Variants in SOX6 observed in about 807,000 individuals in gnomAD.
SOX6 encodes SRY-box transcription factor 6.
A neutral mutation model predicts 97.8 loss-of-function variants in SOX6; 11 were observed. The observed-to-expected ratio is 0.11, with a 90% CI of 0.07 to 0.19. The LOEUF (loss-of-function observed/expected upper bound fraction) is 0.19, where lower values mean the gene tolerates loss of function less well. SOX6 is among the 10% of genes least tolerant of loss of function. SOX6 has a pLI of 1.00. For missense variants in SOX6, 810 were observed against 1,039.5 expected, an observed-to-expected ratio of 0.78 and a Z score of 3.04; for synonymous variants, 360 against 371.4, an observed-to-expected ratio of 0.97 and a Z score of 0.35.
At chr11:16,639,260 T>A (rs985258397) in intron 3 of SOX6, among the ~76,000 whole-genome samples, 2 of 152,212 alleles carry the variant, frequency 1.3e-5, no homozygotes, top group Non-Finnish European at 2.9e-5. Flanking sequence ...CTCTGTTCTG[T>A]TCCATTGGTA....
At chr11:16,569,868 C>CAAAAAAAAAAAAAAAAAAACAAAAAA (rs34604334) in intron 4 of SOX6, among the ~76,000 whole-genome samples, 1 of 84,816 alleles carries the variant, frequency 1.2e-5, no homozygotes, top group Admixed American at 1.1e-4. Flanking sequence ...GACTCCGTCT[C>CAAAAAAAAAAAAAAAAAAACAAAAAA]AAAAAAAAAA....
At chr11:16,725,181 A>G (rs1191485197) in intron 2 of SOX6, among the ~76,000 whole-genome samples, 1 of 152,234 alleles carries the variant, frequency 6.6e-6, no homozygotes, top group African/African-American at 2.4e-5. Flanking sequence ...ATTCAGCCAT[A>G]AAAAGGAATG....
intron 6 of SOX6, among the ~76,000 whole-genome samples, chr11:16,146,008 G>C (rs898749651): frequency 6.6e-6 from 1 of 152,068 alleles, no homozygotes; most frequent in Non-Finnish European, 1.5e-5. Context: ...CTACTTTAAA[G>C]TTCATATGGA....
chr11:16,600,674 T>C (rs916274378), intron 4 of SOX6, among the ~76,000 whole-genome samples: 1 of 152,256 alleles, frequency 6.6e-6, no homozygotes, highest in African/African-American at 2.4e-5. Context: ...ATGCAAATTT[T>C]GAACTATTTC....
intron 7 of SOX6, chr11:16,110,430 T>C (rs1228883227): frequency 6.6e-6 from 1 of 151,360 alleles, no homozygotes; most frequent in Non-Finnish European, 1.5e-5. Context: ...TCTGAAAAAA[T>C]ATACTCCTGT....
At chr11:16,360,250 G>A (rs544083690), upstream of SOX6, among the ~76,000 whole-genome samples, 45 of 152,218 alleles carry the variant, frequency 3.0e-4, no homozygotes, top group African/African-American at 1.0e-3. Context: ...GTGATGCCTA[G>A]TCTGTTTGGA....
At chr11:16,428,661 C>A (rs1435884757) in intron 1 of SOX6, among the ~76,000 whole-genome samples, 1 of 152,134 alleles carries the variant, frequency 6.6e-6, no homozygotes, top group Non-Finnish European at 1.5e-5. Flanking sequence ...TTTCTGAGGG[C>A]TCTGCTCTGT....
At chr11:16,305,894 G>A (rs1247593765) in intron 3 of SOX6, among the ~76,000 whole-genome samples, 1 of 152,008 alleles carries the variant, frequency 6.6e-6, no homozygotes, top group Non-Finnish European at 1.5e-5. Context: ...AATGTTAGAA[G>A]TAAAGAACAT....
At chr11:16,503,456 T>C (rs1860739120) in intron 4 of SOX6, among the ~76,000 whole-genome samples, 1 of 152,180 alleles carries the variant, frequency 6.6e-6, no homozygotes, top group South Asian at 2.1e-4. Flanking sequence ...TAATAACCTT[T>C]AATGTAAAAG....
intron 4 of SOX6, among the ~76,000 whole-genome samples, chr11:16,193,822 A>C (rs1378299327): frequency 6.6e-6 from 1 of 152,204 alleles, no homozygotes; most frequent in African/African-American, 2.4e-5. Flanking sequence ...ATCGTTTTAG[A>C]AGAAAGCCAA....
At chr11:16,326,312 C>T (rs928109409) in intron 2 of SOX6, among the ~76,000 whole-genome samples, 1 of 152,044 alleles carries the variant, frequency 6.6e-6, no homozygotes, top group African/African-American at 2.4e-5. Context: ...CTGATGCACT[C>T]GTCTCTAGAT....
intron 6 of SOX6, among the ~76,000 whole-genome samples, chr11:16,117,370 AAAACAAAC>A (rs145113861): frequency 6.6e-6 from 1 of 150,522 alleles, no homozygotes; most frequent in Non-Finnish European, 1.5e-5. Flanking sequence ...AAACAAAACA[AAAACAAAC>A]AAACAAACAA....
intron 3 of SOX6, among the ~76,000 whole-genome samples, chr11:16,250,955 A>T (rs971177615): frequency 2.6e-5 from 4 of 152,160 alleles, no homozygotes; most frequent in Non-Finnish European, 5.9e-5. Flanking sequence ...AAAACCATAG[A>T]GTGTATGGCC....
chr11:16,709,951 C>T (rs1048648583), intron 3 of SOX6, among the ~76,000 whole-genome samples: 2 of 152,164 alleles, frequency 1.3e-5, no homozygotes, highest in Non-Finnish European at 2.9e-5. Context: ...TACAATAAAA[C>T]TTTATTACTT....
intron 3 of SOX6, among the ~76,000 whole-genome samples, chr11:16,259,264 A>G (rs1466825002): frequency 2.6e-5 from 4 of 152,002 alleles, no homozygotes; most frequent in Non-Finnish European, 5.9e-5. Flanking sequence ...CCTACAAAAT[A>G]TTACTTTAAT....
intron 12 of SOX6, among the ~76,000 whole-genome samples, chr11:16,037,953 T>C (rs753262251): frequency 1.3e-5 from 2 of 152,202 alleles, no homozygotes; most frequent in South Asian, 2.1e-4. Flanking sequence ...ATGTTGATTA[T>C]AGCAGGCCTT....
At chr11:15,978,431 A>G (rs1853556977) in intron 15 of SOX6, among the ~76,000 whole-genome samples, 2 of 151,832 alleles carry the variant, frequency 1.3e-5, no homozygotes, top group Admixed American at 1.3e-4. Flanking sequence ...CATTTGATAT[A>G]GCTGATCATT....
At chr11:16,708,723 G>A (rs559504030) in intron 3 of SOX6, among the ~76,000 whole-genome samples, 25 of 152,244 alleles carry the variant, frequency 1.6e-4, no homozygotes, top group African/African-American at 3.9e-4. Context: ...ATAGCCATGC[G>A]TGGGGTACAT....
intron 4 of SOX6, among the ~76,000 whole-genome samples, chr11:16,578,120 A>G (rs1847999984): frequency 6.6e-6 from 1 of 152,096 alleles, no homozygotes; most frequent in Non-Finnish European, 1.5e-5. Context: ...GTCCAACTTT[A>G]TTCTTTTGCA....
Sources: allele counts gnomAD v4.1 joint callset (sites outside exome capture counted in the v4.1 genomes callset), GRCh38; gene constraint gnomAD v4.1.1; transcripts MANE v1.5; gene names NCBI Gene and HGNC (gene_info 2026-07-23, HGNC 2026-07-21).